The following DYNC2H1 variants were observed in gnomAD, a reference collection of about 807,000 sequenced individuals.
DYNC2H1 encodes cytoplasmic dynein 2 heavy chain 1.
In DYNC2H1, 410 loss-of-function variants were observed where a neutral mutation model predicts 570.0. That is an observed-to-expected ratio of 0.72 (90% confidence interval 0.66 to 0.78). The LOEUF is 0.78. Ranked by LOEUF, DYNC2H1 falls within the 30% of genes least tolerant of loss-of-function variation. The pLI is 0.00. For missense variants in DYNC2H1, 4,865 were observed against 5,046.4 expected, an observed-to-expected ratio of 0.96 and a Z score of 1.09; for synonymous variants, 1,688 against 1,677.6, an observed-to-expected ratio of 1.01 and a Z score of -0.15.
At position 103,479,219 on chromosome 11, in the gene DYNC2H1, A is replaced by G. The variant is rs558920296; in HGVS notation, c.12890A>G (p.Gln4297Arg). 2.5e-5 allele frequency: 40 copies of G among 1,613,678 alleles called. No individual in the cohort carries two copies. Among genetic ancestry groups the G allele is most frequent in the Non-Finnish European group, 3.1e-5 (36 of 1,179,768 alleles). ...GGGGGCAACCAAGACCAGTGGATTC[A>G]GTGTGGAGCAGCTCTATTCCTAAAA... Reference protein sequence around the residue: ...PCGGNQDQWIQCGAALFLKNQ With the variant: ...PCGGNQDQWIRCGAALFLKNQ Residue 4297 changes from glutamine to arginine, a missense_variant, in exon 89 of 89, where the codon CAG (glutamine) becomes CGG (arginine). By Grantham distance (43) the Gln-to-Arg change is conservative. Around this residue, in one of 5 missense-constraint regions of DYNC2H1, gnomAD observed 2,401 missense variants for 2,454.6 expected, o/e 0.98. Coordinates refer to ENST00000375735, the MANE Select transcript of DYNC2H1 (RefSeq NM_001377.3).
intron 38 of DYNC2H1, among the ~76,000 whole-genome samples, 193 bp from the exon 39 acceptor site, chr11:103,178,833 G>A (rs1196831310): frequency 1.3e-5 from 2 of 152,094 alleles, no homozygotes; most frequent in East Asian, 1.9e-4. Flanking sequence ...TATTTTGTAT[G>A]TTTATAGATA....
intron 83 of DYNC2H1, among the ~76,000 whole-genome samples, chr11:103,385,783 A>G (rs1244167753): frequency 6.6e-6 from 1 of 152,198 alleles, no homozygotes; most frequent in Non-Finnish European, 1.5e-5. Flanking sequence ...TTTCCTAGAC[A>G]TCCCCTTTCA....
Position 103,254,073 on chromosome 11 carries a change from T to G in DYNC2H1, c.10206+625T>G, listed in dbSNP as rs1302635644. ...TAGTAGATTTTTTTCATCTTTTGATTTATATGATAGCATACATATTTGCTG... is the reference window on the plus strand; with the variant it reads ...TAGTAGATTTTTTTCATCTTTTGATGTATATGATAGCATACATATTTGCTG... On this transcript the variant is annotated intron_variant, in intron 66 of 88. Coordinates refer to ENST00000375735, the MANE Select transcript of DYNC2H1 (RefSeq NM_001377.3). The surrounding 1 kb of genome is among the most constrained non-coding windows in gnomAD (Gnocchi z 4.9). Among the ~76,000 whole-genome samples, 1 of 152,206 alleles carries G rather than the reference T, an allele frequency of 6.6e-6. No homozygotes were observed. Among genetic ancestry groups the G allele is most frequent in the Non-Finnish European group, 1.5e-5 (1 of 68,010 alleles).
intron 84 of DYNC2H1, among the ~76,000 whole-genome samples, chr11:103,400,713 T>G (rs7949482): frequency 0.053 from 8,023 of 152,026 alleles, 261 homozygotes; most frequent in Non-Finnish European, 0.076. Context: ...AAACCTCTGA[T>G]AGTCAACCTA....
At chr11:103,445,405 C>A (rs1454838241) in intron 85 of DYNC2H1, among the ~76,000 whole-genome samples, 1 of 152,064 alleles carries the variant, frequency 6.6e-6, no homozygotes, top group Non-Finnish European at 1.5e-5. Flanking sequence ...TCTTTTTAAT[C>A]TCTTTTTACT....
chr11:103,310,202 CT>C (rs552972631), intron 78 of DYNC2H1, among the ~76,000 whole-genome samples: 283 of 151,576 alleles, frequency 1.9e-3, no homozygotes, highest in Non-Finnish European at 3.2e-3. Flanking sequence ...TTTTCTTATT[CT>C]TTTCATTTCA....
At chr11:103,382,594 C>T (rs184211138) in intron 83 of DYNC2H1, among the ~76,000 whole-genome samples, 28 of 152,218 alleles carry the variant, frequency 1.8e-4, no homozygotes, top group African/African-American at 5.5e-4. Context: ...CTTTGTGGTA[C>T]GATACTTATT....
At chr11:103,113,032 C>A (rs1478311474) in intron 1 of DYNC2H1, among the ~76,000 whole-genome samples, 1 of 152,178 alleles carries the variant, frequency 6.6e-6, no homozygotes, top group Non-Finnish European at 1.5e-5. Context: ...AGATAGACAA[C>A]TTAAGTTCAT....
chr11:103,227,130 A>G (rs936581376), intron 59 of DYNC2H1, among the ~76,000 whole-genome samples: 1 of 152,004 alleles, frequency 6.6e-6, no homozygotes, highest in African/African-American at 2.4e-5. Context: ...TTTTCAAAGA[A>G]TGAACTTTTT....
Position 103,316,624 on chromosome 11 carries a change from A to G in DYNC2H1, c.11725+4A>G, listed in dbSNP as rs1371885955. On this transcript the variant is annotated splice_donor_region_variant and intron_variant, in intron 80 of 88. Transcript: ENST00000375735. Reference sequence around the variant, plus strand: ...ATTATTGACAGACTTTTTGATGGTAAGTTCTAACAAAAATTTTAATCTCAT... The same window carrying G: ...ATTATTGACAGACTTTTTGATGGTAGGTTCTAACAAAAATTTTAATCTCAT... 1.3e-6 allele frequency: 2 copies of G among 1,507,668 alleles called. No homozygotes were observed. Among genetic ancestry groups the G allele is most frequent in the East Asian group, 5.0e-5 (2 of 39,858 alleles). 93.4% of individuals were successfully genotyped at this position (1,507,668 alleles called of 1,614,324 possible).
chr11:103,360,049 G>C (rs1008092558), intron 83 of DYNC2H1, among the ~76,000 whole-genome samples: 1 of 152,014 alleles, frequency 6.6e-6, no homozygotes, highest in Non-Finnish European at 1.5e-5. Flanking sequence ...CTAATTACCT[G>C]ATTCCTACAT....
rs1862217749 is a variant in DYNC2H1, at chr11:103,189,676, C to A, written c.7297C>A (p.Pro2433Thr). The stretch of plus-strand genomic sequence containing the variant: ...CTTATATGCCATTTTTTTTAGTTAC[C>A]CAGAAAGAGAGCAGTTACAAACGAT... ...SIVRLCSIDY[P>T]EREQLQTIYG... Residue 2433 changes from proline (P) to threonine (T), a missense_variant, in exon 45 of 89, where the codon CCA becomes ACA. Physicochemically the swap from Pro to Thr is conservative, Grantham distance 38. Around this residue, in one of 5 missense-constraint regions of DYNC2H1, gnomAD observed 2,401 missense variants for 2,454.6 expected, o/e 0.98. Coordinates refer to ENST00000375735, the MANE Select transcript of DYNC2H1 (RefSeq NM_001377.3). This position sits in a 1 kb window ranked among gnomAD's most constrained non-coding sequence, Gnocchi z 4.3. The A allele has an allele frequency of 6.2e-7, 1 of 1,610,128 alleles. No homozygotes were observed. The highest frequency in any genetic ancestry group is 1.3e-5 in the African/African-American group (1 of 74,616).
intron 11 of DYNC2H1, 135 bp from the exon 12 acceptor site, chr11:103,124,965 A>G: frequency 3.3e-6 from 2 of 607,124 alleles, no homozygotes; most frequent in Non-Finnish European, 5.4e-6. Context: ...CCACAACTTA[A>G]AAGCTATAAT....
At chr11:103,391,598 C>T (rs1942153812) in intron 83 of DYNC2H1, among the ~76,000 whole-genome samples, 1 of 152,214 alleles carries the variant, frequency 6.6e-6, no homozygotes, top group Non-Finnish European at 1.5e-5. Flanking sequence ...TTCAGCTTTT[C>T]TGCTCTGTTT....
At position 103,191,517 on chromosome 11, in the gene DYNC2H1, G is replaced by T. The variant is rs968854045; in HGVS notation, c.7438G>T (p.Val2480Leu). ...TTGTTTACTGTATTTTCTTTTTCAGGTGCGAGCCAAATTTACAGTTGATGA... is the reference window on the plus strand; with the variant it reads ...TTGTTTACTGTATTTTCTTTTTCAGTTGCGAGCCAAATTTACAGTTGATGA... ...AGSMVQVYEQ[V>L]RAKFTVDDYS... The change falls in exon 46 of 89, where the codon GTG becomes TTG. Residue 2480 changes from valine to leucine, a missense_variant and splice_region_variant. Around this residue, in one of 5 missense-constraint regions of DYNC2H1, gnomAD observed 2,401 missense variants for 2,454.6 expected, o/e 0.98. Coordinates refer to ENST00000375735, the MANE Select transcript of DYNC2H1 (RefSeq NM_001377.3). 7 of 1,597,674 alleles carry T rather than the reference G, an allele frequency of 4.4e-6. No individual in the cohort carries two copies. Among genetic ancestry groups the T allele is most frequent in the Non-Finnish European group, 5.1e-6 (6 of 1,170,794 alleles).
Position 103,401,711 on chromosome 11 carries a change from G to A in DYNC2H1, c.12366+1839G>A, listed in dbSNP as rs546743610. ...AGTACCTACCTCATGGGATTATTAC[G>A]AGAATTAAAACATCATTAAAGTGCT... On this transcript the variant is annotated intron_variant, in intron 84 of 88. Coordinates refer to ENST00000375735, the MANE Select transcript of DYNC2H1 (RefSeq NM_001377.3). 8.5e-5 allele frequency among the ~76,000 whole-genome samples: 13 copies of A among 152,172 alleles called. No homozygotes were observed. In the East Asian group the frequency reaches 1.7e-3, roughly 20 times the overall value.
chr11:103,121,356 G>T lies in DYNC2H1; in HGVS notation c.1361-16G>T. ...GCTAATTCTTTGTAATCATTTATTTGATTTAAATTTTATAGATTTTCGATT... is the reference window on the plus strand; with the variant it reads ...GCTAATTCTTTGTAATCATTTATTTTATTTAAATTTTATAGATTTTCGATT... On this transcript the variant is annotated splice_polypyrimidine_tract_variant and intron_variant, in intron 9 of 88. Coordinates refer to ENST00000375735, the MANE Select transcript of DYNC2H1 (RefSeq NM_001377.3). 6.3e-7 allele frequency: 1 copy of T among 1,577,500 alleles called. No individual in the cohort carries two copies. The highest frequency in any genetic ancestry group is 1.2e-5 in the South Asian group (1 of 85,782).
intron 83 of DYNC2H1, among the ~76,000 whole-genome samples, chr11:103,361,540 G>A (rs1940641317): frequency 6.6e-6 from 1 of 152,188 alleles, no homozygotes; most frequent in East Asian, 1.9e-4. Context: ...GGAAGTTATA[G>A]GTAGAGTGGG....
At chr11:103,364,113 C>T (rs1940782436) in intron 83 of DYNC2H1, among the ~76,000 whole-genome samples, 2 of 152,092 alleles carry the variant, frequency 1.3e-5, no homozygotes, top group Admixed American at 1.3e-4. Flanking sequence ...AAAATATTAA[C>T]ATTTTACATA....
Sources: gnomAD v4.1 joint callset for allele counts (sites outside exome capture counted in the v4.1 genomes callset) on GRCh38, gnomAD v4.1.1 for gene constraint, gnomAD v4.1.1 regional missense constraint, Gnocchi (gnomAD v3.1) non-coding constraint, MANE v1.5 for transcripts, NCBI Gene and HGNC (gene_info 2026-07-23, HGNC 2026-07-21) for gene names.